Variants in SHISA9 observed in about 807,000 individuals in gnomAD.
SHISA9 encodes the protein protein shisa-9.
SHISA9 carries 13 observed loss-of-function variants against 38.0 expected under a neutral mutation model. The observed-to-expected ratio is 0.34, with a 90% confidence interval of 0.22 to 0.54. The LOEUF is 0.54. Ranked by LOEUF, SHISA9 falls within the 20% of genes least tolerant of loss-of-function variation. The pLI, the probability that SHISA9 is intolerant of heterozygous loss-of-function variation, is 0.91. For synonymous variants in SHISA9, 275 were observed against 242.0 expected (o/e 1.14, Z -1.27); for missense variants, 538 against 575.8 (o/e 0.93, Z 0.67).
chr16:13,362,551 A>T, the SHISA9 span, among the ~76,000 whole-genome samples: 12 of 152,346 alleles, frequency 7.9e-5, no homozygotes, highest in South Asian at 2.5e-3. Context: ...TGAAGGATGA[A>T]GCAGGGAGTG....
chr16:13,392,202 A>T, the SHISA9 span, among the ~76,000 whole-genome samples: 38 of 152,010 alleles, frequency 2.5e-4, no homozygotes, highest in Non-Finnish European at 4.6e-4. Context: ...TGAAGTCTTA[A>T]CTCCCAGTGC....
the SHISA9 span, among the ~76,000 whole-genome samples, chr16:13,477,459 T>G: frequency 6.6e-6 from 1 of 152,172 alleles, no homozygotes. Context: ...TGAAACAACA[T>G]GGCAAGTGCA....
chr16:13,077,720 C>T, intron 2 of SHISA9, among the ~76,000 whole-genome samples: 1 of 152,114 alleles, frequency 6.6e-6, no homozygotes. Flanking sequence ...TGGCTCAGAC[C>T]CTCATTCAGT....
At chr16:12,916,638 G>A in intron 1 of SHISA9, 50 bp from the exon 2 acceptor site, 2 of 1,532,378 alleles carry the variant, frequency 1.3e-6, no homozygotes, top group Admixed American at 2.1e-5. Flanking sequence ...CATAGCAGCT[G>A]CCAGTCATTG....
chr16:13,198,555 C>CA (rs2050972745), intron 2 of SHISA9, among the ~76,000 whole-genome samples: 1 of 152,086 alleles, frequency 6.6e-6, no homozygotes, highest in African/African-American at 2.4e-5. Context: ...TCTTGGATTC[C>CA]AACCTGGGCT....
At chr16:13,440,113 A>G in the SHISA9 span, among the ~76,000 whole-genome samples, 1 of 152,214 alleles carries the variant, frequency 6.6e-6, no homozygotes, top group Non-Finnish European at 1.5e-5. Context: ...TATCAGTCTT[A>G]CTATCACGCA....
chr16:13,125,430 A>G (rs1025017256), intron 2 of SHISA9, among the ~76,000 whole-genome samples: 2 of 152,184 alleles, frequency 1.3e-5, no homozygotes, highest in African/African-American at 4.8e-5. Context: ...TTGGGCAGGT[A>G]GCTTCACCTC....
intron 2 of SHISA9, among the ~76,000 whole-genome samples, chr16:12,957,347 G>A (rs2071850135): frequency 6.6e-6 from 1 of 152,196 alleles, no homozygotes; most frequent in African/African-American, 2.4e-5. Context: ...CATAGAGTGG[G>A]TGGCTTATAA....
the SHISA9 span, among the ~76,000 whole-genome samples, chr16:13,284,483 C>G: frequency 6.6e-6 from 1 of 152,098 alleles, no homozygotes; most frequent in African/African-American, 2.4e-5. Context: ...TAAAATAGTG[C>G]CTGACACACA....
intron 2 of SHISA9, among the ~76,000 whole-genome samples, chr16:13,102,946 C>G (rs2073893133): frequency 6.6e-6 from 1 of 152,240 alleles, no homozygotes; most frequent in Admixed American, 6.5e-5. Context: ...GGAGGCGGCA[C>G]TTCCTCATAG....
At chr16:13,425,132 A>G in the SHISA9 span, among the ~76,000 whole-genome samples, 2 of 152,236 alleles carry the variant, frequency 1.3e-5, no homozygotes, top group Non-Finnish European at 2.9e-5. Context: ...GTTCCCGCTT[A>G]TAGGTGGGAG....
intron 2 of SHISA9, among the ~76,000 whole-genome samples, chr16:13,083,052 G>A (rs2141938129): frequency 6.6e-6 from 1 of 152,296 alleles, no homozygotes; most frequent in South Asian, 2.1e-4. Flanking sequence ...CAGCTTAGCT[G>A]GGAACTGATG....
At chr16:13,204,780 A>C (rs1433967431) in intron 3 of SHISA9, 1 of 152,162 alleles carries the variant, frequency 6.6e-6, no homozygotes, top group East Asian at 1.9e-4. Context: ...GAAAACTGAG[A>C]CTCTAAGAGG....
chr16:13,262,000 T>A, the SHISA9 span, among the ~76,000 whole-genome samples: 4 of 152,176 alleles, frequency 2.6e-5, no homozygotes, highest in Non-Finnish European at 5.9e-5. Context: ...ATCAATAATA[T>A]GACAACAGCT....
At chr16:13,103,793 G>T (rs542903696) in intron 2 of SHISA9, among the ~76,000 whole-genome samples, 2 of 152,310 alleles carry the variant, frequency 1.3e-5, no homozygotes, top group South Asian at 4.1e-4. Flanking sequence ...CATTGTCAAC[G>T]TTTGTATCTT....
the SHISA9 span, among the ~76,000 whole-genome samples, chr16:13,472,946 C>G: frequency 1.3e-5 from 2 of 152,248 alleles, no homozygotes; most frequent in East Asian, 1.9e-4. Flanking sequence ...CATGTTAATT[C>G]TAACATCTAG....
the SHISA9 span, among the ~76,000 whole-genome samples, chr16:13,270,432 T>A: frequency 6.6e-6 from 1 of 152,138 alleles, no homozygotes; most frequent in Non-Finnish European, 1.5e-5. Context: ...CCTAATGACT[T>A]GCTCTTAGGA....
chr16:13,385,431 T>G, the SHISA9 span, among the ~76,000 whole-genome samples: 2 of 151,948 alleles, frequency 1.3e-5, no homozygotes, highest in Non-Finnish European at 2.9e-5. Flanking sequence ...CAAACTGTGG[T>G]ATATCCATAC....
intron 2 of SHISA9, among the ~76,000 whole-genome samples, chr16:13,052,342 A>C (rs548476158): frequency 6.6e-6 from 1 of 152,290 alleles, no homozygotes; most frequent in Non-Finnish European, 1.5e-5. Flanking sequence ...CTTGGTGAAC[A>C]TGTCACCTGA....
Sources: allele counts gnomAD v4.1 joint callset (sites outside exome capture counted in the v4.1 genomes callset), GRCh38; gene constraint gnomAD v4.1.1; transcripts MANE v1.5; gene names NCBI Gene and HGNC (gene_info 2026-07-23, HGNC 2026-07-21).